CENPC: variants seen among roughly 807,000 people sequenced by gnomAD.
The protein encoded by CENPC is centromere protein C.
A neutral mutation model predicts 112.1 loss-of-function variants in CENPC; 63 were observed. The ratio of observed to expected loss-of-function variants is 0.56; its 90% CI spans 0.46 to 0.69. The LOEUF (loss-of-function observed/expected upper bound fraction) is 0.69, where lower values mean the gene tolerates loss of function less well. Ranked by LOEUF, CENPC falls within the 30% of genes least tolerant of loss-of-function variation. The pLI is 0.00. For synonymous variants in CENPC, 333 were observed against 367.6 expected, an observed-to-expected ratio of 0.91 and a Z score of 1.08; for missense variants, 1,000 against 1,103.8, an observed-to-expected ratio of 0.91 and a Z score of 1.33.
At chr4:67,491,586 TTGGGGA>T in intron 16 of CENPC, among the ~76,000 whole-genome samples, 1 of 147,312 alleles carries the variant, frequency 6.8e-6, no homozygotes, top group East Asian at 2.1e-4. Context: ...AGCCCATCCC[TTGGGGA>T]TCTTACATGA....
intron 17 of CENPC, among the ~76,000 whole-genome samples, chr4:67,479,305 T>G (rs765595382): frequency 1.1e-4 from 17 of 152,212 alleles, no homozygotes; most frequent in African/African-American, 4.1e-4. Flanking sequence ...TTTTCCAAGA[T>G]AGACTGTATG....
chr4:67,522,210 G>A (rs973373668), intron 5 of CENPC, among the ~76,000 whole-genome samples: 1 of 152,152 alleles, frequency 6.6e-6, no homozygotes, highest in African/African-American at 2.4e-5. Flanking sequence ...CCTGACAACA[G>A]AAATAACTAA....
At chr4:67,479,119 T>C (rs539259492) in intron 17 of CENPC, among the ~76,000 whole-genome samples, 1 of 152,304 alleles carries the variant, frequency 6.6e-6, no homozygotes, top group Non-Finnish European at 1.5e-5. Flanking sequence ...AACACACTTA[T>C]ACTCAAGGTC....
chr4:67,524,718 T>A (rs1398591225), intron 5 of CENPC, among the ~76,000 whole-genome samples: 1 of 152,170 alleles, frequency 6.6e-6, no homozygotes, highest in Non-Finnish European at 1.5e-5. Flanking sequence ...TGCTCATGGA[T>A]ATGAAGAATC....
intron 12 of CENPC, among the ~76,000 whole-genome samples, chr4:67,500,093 A>C (rs1490993603): frequency 6.6e-6 from 1 of 152,116 alleles, no homozygotes; most frequent in East Asian, 1.9e-4. Flanking sequence ...TAAAAGACAT[A>C]GTAATGAAAA....
intron 17 of CENPC, among the ~76,000 whole-genome samples, chr4:67,480,128 T>A (rs1448513086): frequency 6.6e-6 from 1 of 152,214 alleles, no homozygotes; most frequent in Non-Finnish European, 1.5e-5. Flanking sequence ...AAAACCAGGC[T>A]GGCCAACATG....
chr4:67,480,882 A>C (rs184786541), intron 17 of CENPC, among the ~76,000 whole-genome samples: 1 of 152,324 alleles, frequency 6.6e-6, no homozygotes, highest in Admixed American at 6.5e-5. Flanking sequence ...TGAGAACTGA[A>C]AGAGGACAAG....
chr4:67,492,984 A>G lies in CENPC; in HGVS notation c.2304T>C (p.Ile768=), dbSNP rs768499348. 1 of 1,523,162 alleles carries G rather than the reference A, an allele frequency of 6.6e-7. No homozygotes were observed. Among genetic ancestry groups the G allele is most frequent in the East Asian group, 2.5e-5 (1 of 40,498 alleles). The allele number at this position is 1,523,162 out of a possible 1,614,324, so 94.4% of individuals were successfully genotyped here. The change falls in exon 15 of 19, where the codon ATT becomes ATC. Residue 768 remains isoleucine (I), a synonymous_variant. Transcript: ENST00000273853. ...YQGRPSGGFV[I]SGVLSPDTIS... ...TTGTGTCTGGAGATAGTACTCCACT[A>G]ATCACGAATCCTCCTGAAATTTAAC...
intron 4 of CENPC, among the ~76,000 whole-genome samples, chr4:67,534,692 T>G (rs1268930418): frequency 6.6e-6 from 1 of 152,128 alleles, no homozygotes; most frequent in Non-Finnish European, 1.5e-5. Context: ...AGAAAAGAAA[T>G]CTACAGATAT....
At chr4:67,503,469 A>G (rs1424784061) in intron 12 of CENPC, among the ~76,000 whole-genome samples, 2 of 152,078 alleles carry the variant, frequency 1.3e-5, no homozygotes, top group Non-Finnish European at 2.9e-5. Context: ...CTCAACACCC[A>G]ACAAATCATA....
intron 7 of CENPC, among the ~76,000 whole-genome samples, chr4:67,517,830 C>T (rs1054248478): frequency 1.3e-5 from 2 of 152,134 alleles, no homozygotes; most frequent in Non-Finnish European, 2.9e-5. Context: ...GAGCGAGACC[C>T]TGTCTCAAAA....
chr4:67,535,028 T>A (rs185977552), intron 4 of CENPC, among the ~76,000 whole-genome samples: 164 of 151,792 alleles, frequency 1.1e-3, no homozygotes, highest in African/African-American at 3.7e-3. Flanking sequence ...AAAAAAATAG[T>A]CACAAAGGAT....
chr4:67,491,466 TATATATATATATATAGAGAGAGAGAG>T lies in CENPC; in HGVS notation c.2515+688_2515+713del, dbSNP rs1725262591. On this transcript the variant is annotated intron_variant, in intron 16 of 18. Transcript: ENST00000273853. ...TATTTCATATATATATATATATATATATATATATATATATAGAGAGAGAGAGAGAGAGAGAGAGAGAGAGAGAGAGA... is the reference window on the plus strand; with the variant it reads ...TATTTCATATATATATATATATATATAGAGAGAGAGAGAGAGAGAGAGAGA... Among the ~76,000 whole-genome samples the T allele has an allele frequency of 1.3e-4, 8 of 61,330 alleles. 1 individual carries two copies. The highest frequency in any genetic ancestry group is 4.5e-4 in the African/African-American group (8 of 17,620). The allele number at this position is 61,330 out of a possible 152,430, so 40.2% of individuals were successfully genotyped here.
At chr4:67,517,837 AAAAT>A (rs1726103693) in intron 7 of CENPC, among the ~76,000 whole-genome samples, 2 of 152,172 alleles carry the variant, frequency 1.3e-5, no homozygotes, top group Non-Finnish European at 2.9e-5. Flanking sequence ...ACCCTGTCTC[AAAAT>A]AAATACATAC....
intron 3 of CENPC, among the ~76,000 whole-genome samples, chr4:67,540,655 G>GCA (rs1553898290): frequency 6.6e-6 from 1 of 152,112 alleles, no homozygotes; most frequent in Non-Finnish European, 1.5e-5. Context: ...GGGTGACACC[G>GCA]CAGGACTATG....
intron 5 of CENPC, among the ~76,000 whole-genome samples, chr4:67,530,348 C>T (rs996991368): frequency 6.6e-6 from 1 of 151,512 alleles, no homozygotes; most frequent in African/African-American, 2.4e-5. Flanking sequence ...GGTACTCTTA[C>T]ACTATTGGTG....
rs1441546132 is a variant in CENPC, at chr4:67,469,820, G to T, written c.*2785C>A. The T allele has an allele frequency of 6.6e-6, 1 of 152,206 alleles. No individual in the cohort carries two copies. The highest frequency in any genetic ancestry group is 1.5e-5 in the Non-Finnish European group (1 of 68,042). The allele number at this position is 152,206 out of a possible 1,614,324, so 9.4% of individuals were successfully genotyped here. A position where few individuals can be genotyped will look rare whatever the true frequency, so the allele number is the denominator to read the frequency against. On this transcript the variant is annotated 3_prime_UTR_variant, in exon 19 of 19. Transcript: ENST00000273853. ...TCAAAAAGAACAGTGGTCTTAATGG[G>T]CACAGAAAGATCACAATTTAGGGCT...
At chr4:67,535,851 T>C (rs778179515) in intron 4 of CENPC, among the ~76,000 whole-genome samples, 3 of 152,006 alleles carry the variant, frequency 2.0e-5, no homozygotes, top group Non-Finnish European at 2.9e-5. Context: ...GAAACAGCAA[T>C]ATAAACATTA....
intron 12 of CENPC, among the ~76,000 whole-genome samples, chr4:67,498,547 G>C (rs1424368119): frequency 6.6e-6 from 1 of 152,068 alleles, no homozygotes; most frequent in South Asian, 2.1e-4. Context: ...TCATTTCAAG[G>C]GTTCACAACA....
Sources: allele counts gnomAD v4.1 joint callset (sites outside exome capture counted in the v4.1 genomes callset), GRCh38; gene constraint gnomAD v4.1.1; transcripts MANE v1.5; gene names NCBI Gene and HGNC (gene_info 2026-07-23, HGNC 2026-07-21).